GRIP1: variants seen among roughly 807,000 people sequenced by gnomAD.
GRIP1 encodes the protein glutamate receptor-interacting protein 1.
A neutral mutation model predicts 129.9 loss-of-function variants in GRIP1; 45 were observed. The observed-to-expected ratio is 0.35, with a 90% CI of 0.27 to 0.44. The LOEUF is 0.44. GRIP1 is among the 20% of genes least tolerant of loss of function. GRIP1 has a pLI of 1.00. For missense variants in GRIP1, 1,196 were observed against 1,396.8 expected, an observed-to-expected ratio of 0.86 and a Z score of 2.29; for synonymous variants, 530 against 520.8, an observed-to-expected ratio of 1.02 and a Z score of -0.24.
chr12:66,564,835 G>A (rs2062687578), intron 2 of GRIP1, among the ~76,000 whole-genome samples: 1 of 152,202 alleles, frequency 6.6e-6, no homozygotes, highest in Admixed American at 6.5e-5. Flanking sequence ...GGTGTGAGAT[G>A]GTATCTCCTT....
upstream of GRIP1, among the ~76,000 whole-genome samples, chr12:66,805,988 T>C (rs2038984209): frequency 1.3e-5 from 2 of 151,488 alleles, no homozygotes; most frequent in Non-Finnish European, 1.5e-5. Flanking sequence ...CTTTTTTTTT[T>C]TTTTGGTTTC....
At chr12:66,972,902 T>A (rs1266990312) in intron 1 of GRIP1, among the ~76,000 whole-genome samples, 1 of 152,124 alleles carries the variant, frequency 6.6e-6, no homozygotes, top group East Asian at 1.9e-4. Flanking sequence ...GCCTTCACAT[T>A]CTCAAAGGAA....
intron 1 of GRIP1, among the ~76,000 whole-genome samples, chr12:66,822,038 ATG>A (rs1198238877): frequency 6.6e-6 from 1 of 151,234 alleles, no homozygotes; most frequent in East Asian, 1.9e-4. Flanking sequence ...GTATGTGTGT[ATG>A]TGTGTTTCTT....
At chr12:66,520,556 A>T (rs546536213) in intron 5 of GRIP1, among the ~76,000 whole-genome samples, 1 of 152,350 alleles carries the variant, frequency 6.6e-6, no homozygotes, top group African/African-American at 2.4e-5. Flanking sequence ...GCAACATTCA[A>T]TCATTCACTT....
chr12:66,583,876 A>C (rs1171742863), intron 2 of GRIP1, among the ~76,000 whole-genome samples: 1 of 135,492 alleles, frequency 7.4e-6, no homozygotes, highest in Non-Finnish European at 1.6e-5. Flanking sequence ...TAGAACTAGA[A>C]ATACCATTTG....
At chr12:66,744,288 A>T (rs1383094501) in intron 1 of GRIP1, among the ~76,000 whole-genome samples, 1 of 152,188 alleles carries the variant, frequency 6.6e-6, no homozygotes, top group African/African-American at 2.4e-5. Flanking sequence ...AAAAAGGTTC[A>T]TTCCTATAAG....
At chr12:66,676,650 A>G (rs1048449716) in intron 1 of GRIP1, among the ~76,000 whole-genome samples, 1 of 152,178 alleles carries the variant, frequency 6.6e-6, no homozygotes, top group African/African-American at 2.4e-5. Flanking sequence ...CTCAATGGGT[A>G]TAAAGAAATA....
chr12:66,619,739 T>A (rs1241833870), intron 1 of GRIP1, among the ~76,000 whole-genome samples: 1 of 152,128 alleles, frequency 6.6e-6, no homozygotes, highest in Non-Finnish European at 1.5e-5. Flanking sequence ...CTTCTAAAAG[T>A]GGTTGCAAAA....
chr12:66,728,675 C>G lies in GRIP1; in HGVS notation c.-420+75378G>C, dbSNP rs533282251. 1.6e-4 allele frequency among the ~76,000 whole-genome samples: 25 copies of G among 152,208 alleles called. 1 individual carries two copies. The highest frequency in any genetic ancestry group is 5.8e-4 in the African/African-American group (24 of 41,538). ...TGAATGGATACAGGGCACCAGTAGC[C>G]TCTGCCACAATTCTTACTATGTTGA... On this transcript the variant is annotated intron_variant, in intron 1 of 4. Coordinates refer to the GRIP1 transcript ENST00000538373.
chr12:66,916,979 TTTTG>T (rs1308578094), intron 1 of GRIP1, among the ~76,000 whole-genome samples: 2 of 152,150 alleles, frequency 1.3e-5, no homozygotes, highest in African/African-American at 4.8e-5. Context: ...GATTAGACAT[TTTTG>T]TTTGTCTGGT....
rs147786689 is a variant in GRIP1 at position 66,424,158 on chromosome 12, C to A, written c.1769-3369G>T. On this transcript the variant is annotated intron_variant, in intron 14 of 24. Coordinates refer to ENST00000359742, the MANE Select transcript of GRIP1 (RefSeq NM_001366722.1). ...GTCATGTGTGTCTACAGCTCTTCTG[C>A]AATCCAGCAAGGCGATGTCATTGGA... Among the ~76,000 whole-genome samples the A allele has an allele frequency of 9.1e-3, 1,387 of 152,264 alleles. 23 individuals carry two copies. The highest frequency in any genetic ancestry group is 0.031 in the African/African-American group (1,288 of 41,544).
chr12:66,370,320 C>T (rs755879569), intron 23 of GRIP1, among the ~76,000 whole-genome samples: 8 of 152,162 alleles, frequency 5.3e-5, no homozygotes, highest in African/African-American at 1.4e-4. Context: ...AGTTGTAATA[C>T]GTTCTTTGAG....
In GRIP1 at chr12:66,731,859, C is replaced by A. The variant is rs534476220; in HGVS notation, c.-420+72194G>T. 1.9e-4 allele frequency among the ~76,000 whole-genome samples: 29 copies of A among 152,216 alleles called. No homozygotes were observed. In the South Asian group the frequency reaches 6.0e-3, roughly 32 times the overall value. ...GACTATGGCAGGCTAACAATAGAGGCAGGGCCTATTTGTATTGACACATAA... is the reference window on the plus strand; with the variant it reads ...GACTATGGCAGGCTAACAATAGAGGAAGGGCCTATTTGTATTGACACATAA... On this transcript the variant is annotated intron_variant, in intron 1 of 4. Transcript: ENST00000538373.
intron 1 of GRIP1, among the ~76,000 whole-genome samples, chr12:66,674,401 G>A (rs1303818813): frequency 6.6e-6 from 1 of 152,172 alleles, no homozygotes. Context: ...TTCTGCAGAT[G>A]AGAAAAGATG....
chr12:66,566,468 G>T (rs1424869771), intron 2 of GRIP1, among the ~76,000 whole-genome samples: 4 of 152,180 alleles, frequency 2.6e-5, no homozygotes, highest in African/African-American at 9.7e-5. Flanking sequence ...AAGGGATGAA[G>T]CCCACTTGAC....
chr12:66,523,672 C>G (rs1458949312), intron 5 of GRIP1, among the ~76,000 whole-genome samples: 1 of 151,806 alleles, frequency 6.6e-6, no homozygotes, highest in East Asian at 1.9e-4. Flanking sequence ...CAAATTCACA[C>G]ATAACAATTT....
At chr12:66,941,499 C>T (rs771043860) in intron 1 of GRIP1, among the ~76,000 whole-genome samples, 20 of 152,126 alleles carry the variant, frequency 1.3e-4, no homozygotes, top group Non-Finnish European at 2.6e-4. Flanking sequence ...TAATGTTGTG[C>T]TTTGGTCCTG....
chr12:66,455,092 G>A (rs1386421909), intron 11 of GRIP1, among the ~76,000 whole-genome samples: 2 of 152,110 alleles, frequency 1.3e-5, no homozygotes, highest in Admixed American at 6.5e-5. Context: ...AATAAAAGGA[G>A]TCTTAAAGGA....
At chr12:66,372,688 G>T (rs2137304813) in intron 22 of GRIP1, among the ~76,000 whole-genome samples, 1 of 151,640 alleles carries the variant, frequency 6.6e-6, no homozygotes, top group African/African-American at 2.4e-5. Flanking sequence ...TTTCAAATAT[G>T]TTCTTCCCTG....
Sources: allele counts gnomAD v4.1 joint callset (sites outside exome capture counted in the v4.1 genomes callset), GRCh38; gene constraint gnomAD v4.1.1; transcripts MANE v1.5; gene names NCBI Gene and HGNC (gene_info 2026-07-23, HGNC 2026-07-21).